The following CNTN5 variants were observed in gnomAD, a reference collection of about 807,000 sequenced individuals.
The protein encoded by CNTN5 is contactin-5.
In CNTN5, 77 loss-of-function variants were observed where a neutral mutation model predicts 129.1. The observed-to-expected ratio is 0.60, with a 90% CI of 0.50 to 0.72. CNTN5 has a LOEUF of 0.72. Among genes scored for constraint, CNTN5 ranks in the 30% least tolerant of loss-of-function variants. The pLI is 0.00. For synonymous variants in CNTN5, 509 were observed against 465.6 expected, an observed-to-expected ratio of 1.09 and a Z score of -1.20; for missense variants, 1,478 against 1,328.8, an observed-to-expected ratio of 1.11 and a Z score of -1.75.
intron 1 of CNTN5, among the ~76,000 whole-genome samples, chr11:99,110,394 A>C (rs1026733570): frequency 3.3e-5 from 5 of 152,158 alleles, no homozygotes; most frequent in African/African-American, 9.6e-5. Flanking sequence ...AAAGCATATT[A>C]TATGACGTAT....
At chr11:99,113,516 T>C (rs1165762985) in intron 1 of CNTN5, among the ~76,000 whole-genome samples, 1 of 152,098 alleles carries the variant, frequency 6.6e-6, no homozygotes, top group South Asian at 2.1e-4. Context: ...TCAATCCTGA[T>C]AGGAACCTTC....
intron 2 of CNTN5, among the ~76,000 whole-genome samples, chr11:99,411,184 A>T (rs765214126): frequency 1.8e-4 from 28 of 152,146 alleles, no homozygotes; most frequent in Non-Finnish European, 2.6e-4. Flanking sequence ...GTCTGTTGAA[A>T]TTTCCACAAT....
At chr11:99,826,029 T>C (rs1946945418) in intron 4 of CNTN5, among the ~76,000 whole-genome samples, 1 of 152,126 alleles carries the variant, frequency 6.6e-6, no homozygotes, top group African/African-American at 2.4e-5. Flanking sequence ...GCTTACTTAG[T>C]TTAAGGAAGT....
At chr11:99,276,352 T>C (rs1005775446) in intron 1 of CNTN5, among the ~76,000 whole-genome samples, 1 of 151,696 alleles carries the variant, frequency 6.6e-6, no homozygotes, top group Non-Finnish European at 1.5e-5. Context: ...ATATTTATGT[T>C]CTGAAATAAT....
At chr11:99,622,985 C>T (rs1247209988) in intron 3 of CNTN5, among the ~76,000 whole-genome samples, 1 of 152,146 alleles carries the variant, frequency 6.6e-6, no homozygotes, top group South Asian at 2.1e-4. Context: ...AATGACTCTA[C>T]ATTCTGTAAA....
intron 15 of CNTN5, among the ~76,000 whole-genome samples, chr11:100,222,690 A>G (rs1389701976): frequency 6.6e-6 from 1 of 152,080 alleles, no homozygotes; most frequent in African/African-American, 2.4e-5. Flanking sequence ...ATCAACAACA[A>G]AAGGCACTAT....
chr11:99,719,874 G>A (rs1361064934), intron 3 of CNTN5, among the ~76,000 whole-genome samples: 1 of 151,874 alleles, frequency 6.6e-6, no homozygotes, highest in African/African-American at 2.4e-5. Flanking sequence ...AGAAATAAAA[G>A]CACCCATCAG....
chr11:100,197,831 A>G lies in CNTN5; in HGVS notation c.1884+4168A>G, dbSNP rs148306777. 9.3e-3 allele frequency among the ~76,000 whole-genome samples: 1,417 copies of G among 152,122 alleles called. 24 individuals carry two copies. The highest frequency in any genetic ancestry group is 0.032 in the African/African-American group (1,327 of 41,542). The stretch of plus-strand genomic sequence containing the variant: ...ATTTGTTGTCAGAATGGTCCACTAG[A>G]GAAGAATTGCCCTTTCATTGTGAAC... On this transcript the variant is annotated intron_variant, in intron 15 of 24. Transcript: ENST00000524871.
chr11:100,039,109 G>A (rs907223909), intron 9 of CNTN5, among the ~76,000 whole-genome samples: 1 of 152,158 alleles, frequency 6.6e-6, no homozygotes, highest in African/African-American at 2.4e-5. Flanking sequence ...GCTGGTTCCG[G>A]TTGTTCCTTT....
chr11:100,148,438 T>C (rs1946930497), intron 13 of CNTN5, among the ~76,000 whole-genome samples: 1 of 152,216 alleles, frequency 6.6e-6, no homozygotes. Flanking sequence ...CTCTTTTCCC[T>C]GCCCTTCCAA....
Position 99,166,241 on chromosome 11 carries a change from A to G in CNTN5, c.-210+144971A>G, listed in dbSNP as rs535746871. ...CACAGTGAAATTCCATGTCTACTAA[A>G]TATACAAAAAATTAGCCGGGCATGG... On this transcript the variant is annotated intron_variant, in intron 1 of 24. Coordinates refer to ENST00000524871, the MANE Select transcript of CNTN5 (RefSeq NM_014361.4). 1.5e-4 allele frequency among the ~76,000 whole-genome samples: 23 copies of G among 152,184 alleles called. 1 individual carries two copies. In the South Asian group the frequency reaches 4.8e-3, roughly 32 times the overall value.
At chr11:99,244,633 C>A (rs1219554357) in intron 1 of CNTN5, among the ~76,000 whole-genome samples, 1 of 152,086 alleles carries the variant, frequency 6.6e-6, no homozygotes, top group Non-Finnish European at 1.5e-5. Flanking sequence ...CAGAATGTAC[C>A]TTCTGAAATC....
chr11:100,037,056 A>C (rs866387495), intron 9 of CNTN5, among the ~76,000 whole-genome samples: 1 of 149,794 alleles, frequency 6.7e-6, no homozygotes, highest in South Asian at 2.1e-4. Context: ...CCGTTTTCAA[A>C]GGGAATGCTT....
chr11:99,375,340 G>A (rs1254839873), intron 2 of CNTN5, among the ~76,000 whole-genome samples: 2 of 131,186 alleles, frequency 1.5e-5, no homozygotes, highest in Non-Finnish European at 3.3e-5. Context: ...GAAATAAAGT[G>A]ATGAAAGTAT....
chr11:99,063,554 GCA>G (rs1864976219), intron 1 of CNTN5, among the ~76,000 whole-genome samples: 2 of 148,228 alleles, frequency 1.3e-5, no homozygotes, highest in African/African-American at 2.5e-5. Context: ...ATAAATAAAC[GCA>G]TGAGCATATG....
intron 13 of CNTN5, among the ~76,000 whole-genome samples, chr11:100,181,557 G>T (rs11223109): frequency 0.088 from 13,407 of 151,708 alleles, 783 homozygotes; most frequent in Non-Finnish European, 0.12. Flanking sequence ...CTTAAAATGC[G>T]CACTTACACA....
chr11:99,615,118 T>C (rs12276555), intron 3 of CNTN5, among the ~76,000 whole-genome samples: 31,845 of 148,990 alleles, frequency 0.21, 3,717 homozygotes, highest in East Asian at 0.41. Context: ...TATAAGAAAA[T>C]GTATCTTGCC....
intron 8 of CNTN5, among the ~76,000 whole-genome samples, chr11:99,969,611 G>A (rs1195576927): frequency 1.3e-5 from 2 of 152,118 alleles, no homozygotes; most frequent in Non-Finnish European, 2.9e-5. Context: ...AATCAAAGGT[G>A]TCAGCATTGT....
chr11:100,165,086 G>A (rs1947584747), intron 13 of CNTN5, among the ~76,000 whole-genome samples: 1 of 151,692 alleles, frequency 6.6e-6, no homozygotes, highest in Non-Finnish European at 1.5e-5. Flanking sequence ...GTTGGGTAAA[G>A]GAAGAGGAGA....
Sources: gnomAD v4.1 joint callset for allele counts (sites outside exome capture counted in the v4.1 genomes callset) on GRCh38, gnomAD v4.1.1 for gene constraint, MANE v1.5 for transcripts, NCBI Gene and HGNC (gene_info 2026-07-23, HGNC 2026-07-21) for gene names.